The following CNTN5 variants were observed in gnomAD, a reference collection of about 807,000 sequenced individuals.
CNTN5 encodes contactin-5.
A neutral mutation model predicts 129.1 loss-of-function variants in CNTN5; 77 were observed. The observed-to-expected ratio is 0.60, with a 90% CI of 0.50 to 0.72. The LOEUF (loss-of-function observed/expected upper bound fraction) is 0.72, where lower values mean the gene tolerates loss of function less well. CNTN5 is among the 30% of genes least tolerant of loss of function. CNTN5 has a pLI of 0.00. For synonymous variants in CNTN5, 509 were observed against 465.6 expected (o/e 1.09, Z -1.20); for missense variants, 1,478 against 1,328.8 (o/e 1.11, Z -1.75).
At position 99,396,703 on chromosome 11, in the gene CNTN5, A is replaced by G. The variant is rs1467052243; in HGVS notation, c.-71+71219A>G. 2.0e-5 allele frequency among the ~76,000 whole-genome samples: 3 copies of G among 151,726 alleles called. No homozygotes were observed. The Admixed American group carries it at 2.0e-4, about 10-fold the overall frequency. ...AATTAAATTTGTATTTAGCGGTACT[A>G]TAGAAAACAGCCAAACAGTTAGGAG... On this transcript the variant is annotated intron_variant, in intron 2 of 24. Coordinates refer to ENST00000524871, the MANE Select transcript of CNTN5 (RefSeq NM_014361.4).
chr11:99,356,065 A>T (rs1938641278), intron 2 of CNTN5, among the ~76,000 whole-genome samples: 1 of 151,960 alleles, frequency 6.6e-6, no homozygotes, highest in South Asian at 2.1e-4. Flanking sequence ...TGACCTCGTG[A>T]TCTACCTGCC....
intron 2 of CNTN5, among the ~76,000 whole-genome samples, chr11:99,474,849 A>C (rs1945310529): frequency 6.6e-6 from 1 of 152,172 alleles, no homozygotes; most frequent in Admixed American, 6.6e-5. Flanking sequence ...TTTCCGGAAT[A>C]AAACAATATT....
At chr11:99,474,409 A>C (rs1233064101) in intron 2 of CNTN5, among the ~76,000 whole-genome samples, 8 of 152,210 alleles carry the variant, frequency 5.3e-5, no homozygotes, top group African/African-American at 1.9e-4. Flanking sequence ...TGAGCTTTCT[A>C]TCATCTGTCA....
intron 2 of CNTN5, among the ~76,000 whole-genome samples, chr11:99,367,871 G>A (rs1041139966): frequency 6.6e-6 from 1 of 152,052 alleles, no homozygotes; most frequent in African/African-American, 2.4e-5. Context: ...AAATGTGAAG[G>A]TTTCAAAGAG....
At chr11:99,714,226 G>A (rs1283958544) in intron 3 of CNTN5, among the ~76,000 whole-genome samples, 5 of 151,874 alleles carry the variant, frequency 3.3e-5, no homozygotes, top group Admixed American at 6.6e-5. Flanking sequence ...CAGTAGCTCT[G>A]TAGTATTTTA....
At chr11:99,756,479 A>G (rs1409726806) in intron 3 of CNTN5, among the ~76,000 whole-genome samples, 1 of 152,144 alleles carries the variant, frequency 6.6e-6, no homozygotes, top group African/African-American at 2.4e-5. Flanking sequence ...GTTTCAGGAA[A>G]GGTAGATTGC....
intron 13 of CNTN5, among the ~76,000 whole-genome samples, chr11:100,128,049 A>G (rs1467958308): frequency 1.3e-5 from 2 of 152,060 alleles, no homozygotes; most frequent in Non-Finnish European, 2.9e-5. Context: ...GATGATCTCT[A>G]TTGTATCAAT....
chr11:99,577,064 G>T (rs12289017), intron 3 of CNTN5, among the ~76,000 whole-genome samples: 2 of 152,064 alleles, frequency 1.3e-5, no homozygotes, highest in South Asian at 2.1e-4. Context: ...TCAAAGTTTC[G>T]GTAGAGGTCT....
At chr11:99,531,891 C>G (rs1050143933) in intron 2 of CNTN5, among the ~76,000 whole-genome samples, 2 of 152,188 alleles carry the variant, frequency 1.3e-5, no homozygotes, top group African/African-American at 4.8e-5. Flanking sequence ...GCCCTACATT[C>G]TCCATTCTCA....
At chr11:99,816,647 C>G (rs1030674402) in intron 3 of CNTN5, among the ~76,000 whole-genome samples, 1 of 152,190 alleles carries the variant, frequency 6.6e-6, no homozygotes, top group African/African-American at 2.4e-5. Flanking sequence ...GCTTTAGACC[C>G]TTGAGTCATC....
At chr11:99,042,084 A>C (rs2135140630) in intron 1 of CNTN5, among the ~76,000 whole-genome samples, 1 of 152,284 alleles carries the variant, frequency 6.6e-6, no homozygotes, top group South Asian at 2.1e-4. Flanking sequence ...TCTTTCAGCA[A>C]AATCATTGCA....
At chr11:100,151,669 TCTAC>T (rs1201035205) in intron 13 of CNTN5, among the ~76,000 whole-genome samples, 1 of 152,224 alleles carries the variant, frequency 6.6e-6, no homozygotes, top group African/African-American at 2.4e-5. Flanking sequence ...CTATTCCCGC[TCTAC>T]CTATTTCCCA....
intron 2 of CNTN5, among the ~76,000 whole-genome samples, chr11:99,342,428 T>C (rs1866554089): frequency 6.6e-6 from 1 of 151,368 alleles, no homozygotes. Flanking sequence ...TGAAATGGTG[T>C]CATTTTATTA....
At chr11:100,104,269 A>G (rs1945338707) in intron 13 of CNTN5, among the ~76,000 whole-genome samples, 1 of 151,902 alleles carries the variant, frequency 6.6e-6, no homozygotes, top group Non-Finnish European at 1.5e-5. Flanking sequence ...TCATTTTTAT[A>G]TTTTTAGTAG....
intron 7 of CNTN5, among the ~76,000 whole-genome samples, chr11:99,941,543 T>A (rs953190986): frequency 3.2e-5 from 3 of 93,902 alleles, no homozygotes; most frequent in Admixed American, 2.1e-4. Flanking sequence ...ACGCAAGAGA[T>A]AAGTAATAGA....
chr11:99,395,167 A>G (rs1941457042), intron 2 of CNTN5, among the ~76,000 whole-genome samples: 2 of 151,930 alleles, frequency 1.3e-5, no homozygotes, highest in Non-Finnish European at 2.9e-5. Context: ...AACAGTGTAT[A>G]AGCATTCCTT....
intron 3 of CNTN5, among the ~76,000 whole-genome samples, chr11:99,596,953 G>T (rs1331616249): frequency 6.6e-6 from 1 of 152,074 alleles, no homozygotes; most frequent in African/African-American, 2.4e-5. Context: ...TTATACATGG[G>T]AAGTTTTCTT....
At chr11:99,657,262 A>G (rs562903192) in intron 3 of CNTN5, among the ~76,000 whole-genome samples, 3 of 152,082 alleles carry the variant, frequency 2.0e-5, no homozygotes, top group African/African-American at 7.2e-5. Context: ...TGTTTGAAAA[A>G]CATCAACATC....
intron 1 of CNTN5, among the ~76,000 whole-genome samples, chr11:99,226,518 A>C (rs892943779): frequency 2.0e-5 from 3 of 152,134 alleles, no homozygotes; most frequent in Non-Finnish European, 4.4e-5. Context: ...TTTCCCTTAC[A>C]TATCTAGGCA....
Sources: gnomAD v4.1 joint callset for allele counts (sites outside exome capture counted in the v4.1 genomes callset) on GRCh38, gnomAD v4.1.1 for gene constraint, MANE v1.5 for transcripts, NCBI Gene and HGNC (gene_info 2026-07-23, HGNC 2026-07-21) for gene names.